SAMD3: variants seen among roughly 807,000 people sequenced by gnomAD.
SAMD3 encodes the protein sterile alpha motif domain containing 3, also known as sterile alpha motif domain-containing protein 3.
A neutral mutation model predicts 58.5 loss-of-function variants in SAMD3; 63 were observed. The observed-to-expected ratio is 1.08, with a 90% CI of 0.88 to 1.33. The LOEUF is 1.33. SAMD3 is among the 40% of genes most tolerant of loss of function. The probability of loss-of-function intolerance (pLI) is 0.00; values close to 1 mark genes in which losing one functional copy is unlikely to be tolerated. For synonymous variants in SAMD3, 220 were observed against 210.3 expected (o/e 1.05, Z -0.40); for missense variants, 604 against 608.4 (o/e 0.99, Z 0.08).
In SAMD3 at chr6:130,219,935, A is replaced by G. The variant is rs374982179; in HGVS notation, c.-68+2759T>C. Among the ~76,000 whole-genome samples, 352 of 152,360 alleles carry G rather than the reference A, an allele frequency of 2.3e-3. 3 individuals carry two copies. The Middle Eastern group carries it at 0.041, about 18-fold the overall frequency. On this transcript the variant is annotated intron_variant, in intron 1 of 11. Transcript: ENST00000439090. Reference sequence around the variant, plus strand: ...GTTGTCTGTAATTCACAACACCTCCAATAAATTTGAAGGAAAAAGTGGTGA... The same window carrying G: ...GTTGTCTGTAATTCACAACACCTCCGATAAATTTGAAGGAAAAAGTGGTGA...
chr6:130,249,666 G>A (rs1177450484), intron 2 of SAMD3, among the ~76,000 whole-genome samples: 1 of 152,138 alleles, frequency 6.6e-6, no homozygotes, highest in Non-Finnish European at 1.5e-5. Context: ...TTTACAGTCT[G>A]TACTATCTAA....
chr6:130,287,715 G>A (rs1358366068), intron 2 of SAMD3, among the ~76,000 whole-genome samples: 1 of 152,130 alleles, frequency 6.6e-6, no homozygotes. Context: ...GGAGGCCGAG[G>A]CAGGCAGATC....
intron 1 of SAMD3, among the ~76,000 whole-genome samples, chr6:130,339,768 A>C (rs1777214889): frequency 6.6e-6 from 1 of 152,206 alleles, no homozygotes; most frequent in South Asian, 2.1e-4. Context: ...AGGACTTGCA[A>C]GAATTACTTC....
At chr6:130,159,625 A>G (rs564947929) in intron 8 of SAMD3, 1 of 152,338 alleles carries the variant, frequency 6.6e-6, no homozygotes, top group East Asian at 1.9e-4. Flanking sequence ...TGATCATAAG[A>G]CAAATGATTG....
rs144356046 is a variant in SAMD3, at chr6:130,147,855, T to C, written c.1024-1674A>G. On this transcript the variant is annotated intron_variant, in intron 9 of 11. Transcript: ENST00000439090. ...TTCTGAAAAGTGGAGGCCAGTTACT[T>C]TGTAGAACATTTCTCCTTGGAAGTT... Among the ~76,000 whole-genome samples the C allele has an allele frequency of 1.5e-3, 230 of 152,356 alleles. 1 individual carries two copies. Among genetic ancestry groups the C allele is most frequent in the East Asian group, 0.013 (67 of 5,190 alleles).
At chr6:130,174,314 C>T (rs1215964166) in intron 8 of SAMD3, among the ~76,000 whole-genome samples, 6 of 152,272 alleles carry the variant, frequency 3.9e-5, no homozygotes, top group East Asian at 3.9e-4. Context: ...TGTAGGCATA[C>T]GAGGCAATCT....
intron 2 of SAMD3, chr6:130,215,871 A>T: frequency 6.6e-7 from 1 of 1,520,920 alleles, no homozygotes; most frequent in Non-Finnish European, 8.8e-7. Context: ...CAAGAAGAGG[A>T]AGTAGGACCC....
chr6:130,246,993 T>C (rs1202249820), intron 2 of SAMD3, among the ~76,000 whole-genome samples: 1 of 152,202 alleles, frequency 6.6e-6, no homozygotes, highest in African/African-American at 2.4e-5. Context: ...TGAGCACTCC[T>C]AGAACCCAGA....
intron 2 of SAMD3, among the ~76,000 whole-genome samples, chr6:130,278,457 T>C (rs980301017): frequency 2.6e-5 from 4 of 152,198 alleles, no homozygotes; most frequent in East Asian, 1.9e-4. Context: ...GGTGAACCCA[T>C]TGGGCAGTTA....
intron 1 of SAMD3, among the ~76,000 whole-genome samples, chr6:130,313,545 T>G (rs576543304): frequency 1.3e-4 from 20 of 152,228 alleles, no homozygotes; most frequent in Non-Finnish European, 2.5e-4. Flanking sequence ...AAAAGGGACT[T>G]GAGACTCACA....
At chr6:130,346,766 C>T (rs1022608640) in intron 1 of SAMD3, among the ~76,000 whole-genome samples, 15 of 152,196 alleles carry the variant, frequency 9.9e-5, no homozygotes, top group South Asian at 4.1e-4. Flanking sequence ...GATCTGAGAA[C>T]GGACAGACTG....
At chr6:130,173,107 T>C (rs1056866742) in intron 8 of SAMD3, among the ~76,000 whole-genome samples, 8 of 152,208 alleles carry the variant, frequency 5.3e-5, no homozygotes, top group African/African-American at 1.9e-4. Context: ...TAACCTTTTA[T>C]CAAGGTTCTT....
intron 8 of SAMD3, among the ~76,000 whole-genome samples, chr6:130,157,219 A>T (rs952123977): frequency 6.6e-6 from 1 of 152,072 alleles, no homozygotes; most frequent in Non-Finnish European, 1.5e-5. Context: ...AAACATGACC[A>T]TTTCAAATAA....
chr6:130,365,299 C>T (rs3813362), exon 1 of SAMD3: 140,458 of 985,182 alleles, frequency 0.14, 10,543 homozygotes, highest in East Asian at 0.35. Context: ...TCGAAGACCC[C>T]CGTGCTTCAG....
Position 130,181,848 on chromosome 6 carries a change from A to T in SAMD3, c.654+2255T>A, listed in dbSNP as rs984950332. On this transcript the variant is annotated intron_variant, in intron 7 of 11. Transcript: ENST00000439090. ...TTATTCAAACAGTAAATGTAAATTT[A>T]AAAAAAAAACACAAGTTCTATCCTG... 2.1e-4 allele frequency among the ~76,000 whole-genome samples: 31 copies of T among 148,904 alleles called. 1 individual carries two copies. Among genetic ancestry groups the T allele is most frequent in the East Asian group, 5.9e-4 (3 of 5,114 alleles).
intron 5 of SAMD3, 75 bp downstream of exon 5, chr6:130,209,420 A>T: frequency 1.4e-6 from 1 of 737,086 alleles, no homozygotes; most frequent in East Asian, 2.7e-5. Flanking sequence ...ACATCTAAAC[A>T]TATGAAACCT....
chr6:130,337,224 T>C (rs1777126793), intron 1 of SAMD3, among the ~76,000 whole-genome samples: 3 of 152,168 alleles, frequency 2.0e-5, no homozygotes, highest in African/African-American at 7.2e-5. Flanking sequence ...GAGTGAGTTC[T>C]CATGAGATTT....
intron 8 of SAMD3, 79 bp from the exon 9 acceptor site, chr6:130,155,104 T>A: frequency 9.2e-7 from 1 of 1,085,928 alleles, no homozygotes; most frequent in Non-Finnish European, 1.4e-6. Flanking sequence ...TGCACACTCT[T>A]AACTCATTCC....
chr6:130,285,513 T>C (rs1451007181), intron 2 of SAMD3, among the ~76,000 whole-genome samples: 1 of 152,210 alleles, frequency 6.6e-6, no homozygotes, highest in Non-Finnish European at 1.5e-5. Context: ...CAAAGCTATG[T>C]CAGCCAGTTG....
Sources: allele counts gnomAD v4.1 joint callset (sites outside exome capture counted in the v4.1 genomes callset), GRCh38; gene constraint gnomAD v4.1.1; transcripts MANE v1.5; gene names NCBI Gene and HGNC (gene_info 2026-07-23, HGNC 2026-07-21).